SLC13A5: variants seen among roughly 807,000 people sequenced by gnomAD.
SLC13A5 encodes solute carrier family 13 member 5.
In SLC13A5, 25 loss-of-function variants were observed where a neutral mutation model predicts 56.5. The observed-to-expected ratio is 0.44, with a 90% CI of 0.32 to 0.62. The LOEUF (loss-of-function observed/expected upper bound fraction) is 0.62. SLC13A5 is among the 20% of genes least tolerant of loss of function. SLC13A5 has a pLI of 0.04. For missense variants in SLC13A5, 649 were observed against 737.8 expected (o/e 0.88, Z 1.39); for synonymous variants, 307 against 301.5 (o/e 1.02, Z -0.19).
intron 8 of SLC13A5, 30 bp downstream of exon 8, chr17:6,694,067 A>G (rs1973489990): frequency 6.5e-7 from 1 of 1,530,402 alleles, no homozygotes; most frequent in Admixed American, 1.7e-5. Context: ...TCCAGTCCTG[A>G]TGACTGGGCG....
At chr17:6,702,832 C>T in intron 5 of SLC13A5, 138 bp downstream of exon 5, 1 of 1,060,178 alleles carries the variant, frequency 9.4e-7, no homozygotes, top group Middle Eastern at 3.1e-4. Context: ...CATCTTTCCA[C>T]CCCTGCCAGG....
intron 6 of SLC13A5, 94 bp downstream of exon 6, chr17:6,700,910 A>G: frequency 6.4e-7 from 1 of 1,563,322 alleles, no homozygotes; most frequent in Non-Finnish European, 8.7e-7. Flanking sequence ...CCAGACACGA[A>G]GGACTTTGTA....
At position 6,711,169 on chromosome 17, in the gene SLC13A5, C is replaced by T. The variant is rs543717823; in HGVS notation, c.102+2063G>A. 1.5e-4 allele frequency among the ~76,000 whole-genome samples: 23 copies of T among 152,230 alleles called. No individual in the cohort carries two copies. Among genetic ancestry groups the T allele is most frequent in the South Asian group, 4.1e-4 (2 of 4,826 alleles). ...CTGCCAAGGTCCTCCCAGCTTCTCACCAGCTTCCCAGCTGCCCTGCCCGTG... is the reference window on the plus strand; with the variant it reads ...CTGCCAAGGTCCTCCCAGCTTCTCATCAGCTTCCCAGCTGCCCTGCCCGTG... On this transcript the variant is annotated intron_variant, in intron 1 of 11. Transcript: ENST00000433363. This position sits in a 1 kb window ranked among gnomAD's most constrained non-coding sequence, Gnocchi z 4.0.
At chr17:6,696,165 TCGGCAGGTGCCCAGACACCTGGAGACTGG>T (rs1404212385) in intron 6 of SLC13A5, among the ~76,000 whole-genome samples, 18 of 152,322 alleles carry the variant, frequency 1.2e-4, no homozygotes, top group Non-Finnish European at 2.2e-4. Flanking sequence ...CTAGAGGGTC[TCGGCAGGTGCCCAGACACCTGGAGACTGG>T]CTGCTCCAGG....
At chr17:6,707,188 T>C in intron 1 of SLC13A5, 32 bp from the exon 2 acceptor site, 1 of 1,611,008 alleles carries the variant, frequency 6.2e-7, no homozygotes, top group Non-Finnish European at 8.5e-7. Context: ...CTCAGCGTGT[T>C]GCCGCCTCCC....
rs1161655074 is a variant in SLC13A5 at position 6,692,873 on chromosome 17, T to C, written c.1275+171A>G. On this transcript the variant is annotated intron_variant, in intron 9 of 11. Coordinates refer to ENST00000433363, the MANE Select transcript of SLC13A5 (RefSeq NM_177550.5). The surrounding 1 kb of genome is among the most constrained non-coding windows in gnomAD (Gnocchi z 5.5). ...TACTTTCTGTCTTCCAGGCCCTGTG[T>C]GTGGTGTAGAGTTCCTAGATGACAA... 8.1e-6 allele frequency: 5 copies of C among 613,660 alleles called. No homozygotes were observed. In the East Asian group the frequency reaches 1.4e-4, roughly 17 times the overall value. 38.0% of individuals were successfully genotyped at this position (613,660 alleles called of 1,614,324 possible). A position where few individuals can be genotyped will look rare whatever the true frequency, so the allele number is the denominator to read the frequency against.
chr17:6,693,071 G>T lies in SLC13A5; in HGVS notation c.1248C>A (p.Gly416=), dbSNP rs139042926. ...CGGATCCTTTAGCCAGAGCAAATCCGCCCCCTAGTAGCAGCACGATGCCCC... is the reference window on the plus strand; with the variant it reads ...CGGATCCTTTAGCCAGAGCAAATCCTCCCCCTAGTAGCAGCACGATGCCCC... The part of the protein sequence containing the change: ...VPWGIVLLLG[G]GFALAKGSEA... The change falls in exon 9 of 12, where the codon GGC becomes GGA. Residue 416 remains glycine, a synonymous_variant. Transcript: ENST00000433363. 5.0e-6 allele frequency: 8 copies of T among 1,613,884 alleles called. No homozygotes were observed. The African/African-American group carries it at 1.1e-4, about 22-fold the overall frequency.
chr17:6,707,183 C>A (rs201895686), intron 1 of SLC13A5, 27 bp from the exon 2 acceptor site: 5 of 1,611,038 alleles, frequency 3.1e-6, no homozygotes, highest in East Asian at 2.2e-5. Flanking sequence ...GAGGCCTCAG[C>A]GTGTTGCCGC....
chr17:6,698,148 C>T (rs1056354495), intron 6 of SLC13A5, among the ~76,000 whole-genome samples: 9 of 152,218 alleles, frequency 5.9e-5, no homozygotes, highest in African/African-American at 2.2e-4. Context: ...ACAAAGCTGC[C>T]GTGAGCTACC....
chr17:6,710,130 C>T (rs957745004), intron 1 of SLC13A5, among the ~76,000 whole-genome samples: 2 of 152,236 alleles, frequency 1.3e-5, no homozygotes, highest in African/African-American at 4.8e-5. Flanking sequence ...CAGCCACTGT[C>T]TGGCCTTTGG....
At chr17:6,710,778 G>T (rs985837927) in intron 1 of SLC13A5, among the ~76,000 whole-genome samples, 3 of 151,930 alleles carry the variant, frequency 2.0e-5, no homozygotes, top group African/African-American at 7.3e-5. Context: ...GTGTGTGTGT[G>T]TGTGTGTGTC....
In SLC13A5 at chr17:6,687,148, A is replaced by G; in HGVS notation, c.1575+381T>C. 4 of 232,452 alleles carry G rather than the reference A, an allele frequency of 1.7e-5. No individual in the cohort carries two copies. The South Asian group carries it at 2.1e-4, about 12-fold the overall frequency. The allele number at this position is 232,452 out of a possible 1,614,324, so 14.4% of individuals were successfully genotyped here. On this transcript the variant is annotated intron_variant, in intron 11 of 11. Coordinates refer to ENST00000433363, the MANE Select transcript of SLC13A5 (RefSeq NM_177550.5). The surrounding 1 kb of genome is among the most constrained non-coding windows in gnomAD (Gnocchi z 5.0). ...ACCCCTACAAATCTCTGTGACTGTC[A>G]TTAGCATCCCCCTGCTGCCTAAGCC...
rs370837683 is a variant in SLC13A5 at position 6,708,126 on chromosome 17, C to T, written c.103-970G>A. On this transcript the variant is annotated intron_variant, in intron 1 of 11. Coordinates refer to ENST00000433363, the MANE Select transcript of SLC13A5 (RefSeq NM_177550.5). Reference sequence around the variant, plus strand: ...TTGGGATTGCAGGCACCTGCCACCACGCCCTGCTAATTTTTGTATTTTTAG... The same window carrying T: ...TTGGGATTGCAGGCACCTGCCACCATGCCCTGCTAATTTTTGTATTTTTAG... 1.2e-4 allele frequency among the ~76,000 whole-genome samples: 19 copies of T among 152,318 alleles called. 1 individual carries two copies. In the South Asian group the frequency reaches 1.9e-3, roughly 15 times the overall value.
In SLC13A5 at chr17:6,695,801, A is replaced by C. The variant is rs1182060533; in HGVS notation, c.980T>G (p.Val327Gly). Residue 327 changes from valine to glycine, a missense_variant, in exon 7 of 12, where the codon GTC (valine) becomes GGC (glycine). Val to Gly is a moderately radical substitution (Grantham distance 109). Transcript: ENST00000433363. ...GGGGTCTCGGGAGAACCACAGGATGACCAGCAGGAAGAAGCAGATCAGCAC... is the reference window on the plus strand; with the variant it reads ...GGGGTCTCGGGAGAACCACAGGATGCCCAGCAGGAAGAAGCAGATCAGCAC... ...INVLICFFLLVILWFSRDPGF... is the reference protein window; with the variant it reads ...INVLICFFLLGILWFSRDPGF... The C allele has an allele frequency of 6.2e-7, 1 of 1,614,194 alleles. No homozygotes were observed. Among genetic ancestry groups the C allele is most frequent in the Non-Finnish European group, 8.5e-7 (1 of 1,180,024 alleles).
At chr17:6,702,692 G>T (rs1973745338) in intron 5 of SLC13A5, among the ~76,000 whole-genome samples, 1 of 152,240 alleles carries the variant, frequency 6.6e-6, no homozygotes. Context: ...GACCCCAGGG[G>T]AGGTGGTGGG....
At chr17:6,703,180 G>T in intron 4 of SLC13A5, 42 bp from the exon 5 acceptor site, 4 of 1,609,510 alleles carry the variant, frequency 2.5e-6, no homozygotes, top group Non-Finnish European at 2.5e-6. Context: ...AGTCATGGGG[G>T]CTGCCCACCC....
rs770753316 is a variant in SLC13A5 at position 6,700,962 on chromosome 17, G to A, written c.839+42C>T. On this transcript the variant is annotated intron_variant, in intron 6 of 11. Coordinates refer to ENST00000433363, the MANE Select transcript of SLC13A5 (RefSeq NM_177550.5). ...CTGAGGGCTCTTCTGCAGCTTTGAG[G>A]CATAATTAGGCATAATTAGGCTGTG... is the stretch of plus-strand genomic sequence containing the variant. 10 of 1,611,372 alleles carry A rather than the reference G, an allele frequency of 6.2e-6. No homozygotes were observed. The Middle Eastern group carries it at 1.5e-3, about 239-fold the overall frequency.
intron 1 of SLC13A5, among the ~76,000 whole-genome samples, chr17:6,707,742 G>A (rs1973909518): frequency 6.6e-6 from 1 of 152,118 alleles, no homozygotes. Flanking sequence ...ATAAGTGGGA[G>A]CTAAGCTATG....
At chr17:6,700,905 C>T (rs897957878) in intron 6 of SLC13A5, 99 bp downstream of exon 6, 13 of 1,543,858 alleles carry the variant, frequency 8.4e-6, no homozygotes, top group Non-Finnish European at 1.1e-5. Context: ...CAGGGCCAGA[C>T]ACGAAGGACT....
Sources: gnomAD v4.1 joint callset for allele counts (sites outside exome capture counted in the v4.1 genomes callset) on GRCh38, gnomAD v4.1.1 for gene constraint, Gnocchi (gnomAD v3.1) non-coding constraint, MANE v1.5 for transcripts, NCBI Gene and HGNC (gene_info 2026-07-23, HGNC 2026-07-21) for gene names.